The following SCN7A variants were observed in gnomAD, a reference collection of about 807,000 sequenced individuals.
SCN7A encodes the protein sodium voltage-gated channel alpha subunit 7.
SCN7A carries 138 observed loss-of-function variants against 155.2 expected under a neutral mutation model. The ratio of observed to expected loss-of-function variants is 0.89; its 90% confidence interval spans 0.77 to 1.02. SCN7A has a LOEUF of 1.02. SCN7A is among the 50% of genes least tolerant of loss of function. SCN7A has a pLI of 0.00. For missense variants in SCN7A, 2,058 were observed against 1,986.6 expected (o/e 1.04, Z -0.68); for synonymous variants, 693 against 649.0 (o/e 1.07, Z -1.03).
chr2:166,446,872 G>A (rs561365141), intron 12 of SCN7A, among the ~76,000 whole-genome samples: 3 of 152,208 alleles, frequency 2.0e-5, no homozygotes, highest in East Asian at 1.9e-4. Context: ...GGGACCTGTC[G>A]GTGGGTAGGG....
At position 166,416,804 on chromosome 2, in the gene SCN7A, C is replaced by A. The variant is rs201204940; in HGVS notation, c.3317G>T (p.Arg1106Leu). ...FPSSEVMNKS[R>L]CESLLFNESM... ...TTCGTTAAACAGAAGGCTTTCACAC[C>A]GACTCTTATTCATGACTTCAGATGA... Residue 1106 changes from arginine to leucine, a missense_variant, in exon 21 of 26, where the codon CGG becomes CTG. Physicochemically the swap from Arg to Leu is moderately radical, Grantham distance 102. Transcript: ENST00000643258. 1.1e-5 allele frequency: 17 copies of A among 1,613,458 alleles called. No homozygotes were observed. Among genetic ancestry groups the A allele is most frequent in the Non-Finnish European group, 1.4e-5 (17 of 1,179,712 alleles).
At chr2:166,475,794 C>G (rs768575275) in intron 3 of SCN7A, among the ~76,000 whole-genome samples, 1 of 151,844 alleles carries the variant, frequency 6.6e-6, no homozygotes, top group Non-Finnish European at 1.5e-5. Flanking sequence ...ACAGAATAAA[C>G]CAAATACAAG....
At chr2:166,455,322 T>C (rs1393884707) in intron 11 of SCN7A, among the ~76,000 whole-genome samples, 1 of 151,354 alleles carries the variant, frequency 6.6e-6, no homozygotes, top group Non-Finnish European at 1.5e-5. Context: ...TCCAAGACCT[T>C]AAAAAGACAC....
chr2:166,457,054 ACC>A lies in SCN7A; in HGVS notation c.1104_1105del (p.Lys368AsnfsTer30). 1 of 1,608,750 alleles carries A rather than the reference ACC, an allele frequency of 6.2e-7. No individual in the cohort carries two copies. The highest frequency in any genetic ancestry group is 8.5e-7 in the Non-Finnish European group (1 of 1,177,918). ...TACCACCACAAAAAATATCATGTAG[ACC>A]TTCCCAGAAGCATAAAGTATCTAAG... On this transcript the variant is annotated frameshift_variant, in exon 11 of 26. Transcript: ENST00000643258. LOFTEE classifies it high-confidence loss of function.
rs1010321371 is a variant in SCN7A at position 166,444,847 on chromosome 2, C to T, written c.1541G>A (p.Cys514Tyr). The part of the protein sequence containing the change: ...APFTDLFLII[C>Y]IILNVCFLTL... ...CAGAAAACATACGTTTAAAATTATG[C>T]ATATGATAAGGAAAAGATCAGTAAA... Residue 514 changes from cysteine to tyrosine, a missense_variant, in exon 13 of 26, where the codon TGC (cysteine) becomes TAC (tyrosine). Coordinates refer to ENST00000643258, the MANE Select transcript of SCN7A (RefSeq NM_002976.4). 3.7e-6 allele frequency: 6 copies of T among 1,611,642 alleles called. No individual in the cohort carries two copies. The highest frequency in any genetic ancestry group is 3.3e-5 in the Admixed American group (2 of 59,762).
At chr2:166,442,078 A>G (rs1171906665) in intron 14 of SCN7A, among the ~76,000 whole-genome samples, 2 of 152,144 alleles carry the variant, frequency 1.3e-5, no homozygotes, top group Non-Finnish European at 2.9e-5. Context: ...TTCAAAATAT[A>G]TTGAATATTT....
chr2:166,463,043 T>C (rs1177150405), intron 9 of SCN7A, among the ~76,000 whole-genome samples: 3 of 152,182 alleles, frequency 2.0e-5, no homozygotes, highest in Non-Finnish European at 4.4e-5. Context: ...AGAGTGAAGG[T>C]ATAACTGATG....
At chr2:166,417,198 G>C (rs1026190801) in intron 20 of SCN7A, among the ~76,000 whole-genome samples, 5 of 152,122 alleles carry the variant, frequency 3.3e-5, no homozygotes, top group Non-Finnish European at 7.4e-5. Context: ...ATCAGGCTGG[G>C]CGTGGTGGCT....
chr2:166,480,519 A>G (rs1294182051), intron 2 of SCN7A, among the ~76,000 whole-genome samples: 1 of 151,822 alleles, frequency 6.6e-6, no homozygotes, highest in Non-Finnish European at 1.5e-5. Flanking sequence ...ATATTTTTAC[A>G]CAGAGATCCT....
At chr2:166,431,736 C>CA (rs1701736077) in intron 16 of SCN7A, among the ~76,000 whole-genome samples, 1 of 151,946 alleles carries the variant, frequency 6.6e-6, no homozygotes, top group Non-Finnish European at 1.5e-5. Flanking sequence ...ACCAACTGTT[C>CA]AAAATTCAAA....
At chr2:166,448,348 T>C (rs1035739141) in intron 11 of SCN7A, among the ~76,000 whole-genome samples, 1 of 152,224 alleles carries the variant, frequency 6.6e-6, no homozygotes, top group Admixed American at 6.5e-5. Context: ...TATTTATTCA[T>C]GTGTCCATTG....
chr2:166,482,657 A>G (rs1412368951), intron 2 of SCN7A, among the ~76,000 whole-genome samples: 1 of 151,938 alleles, frequency 6.6e-6, no homozygotes, highest in African/African-American at 2.4e-5. Flanking sequence ...CTTATCCCAG[A>G]AGATTATTTT....
intron 3 of SCN7A, among the ~76,000 whole-genome samples, chr2:166,475,752 A>G (rs950045276): frequency 6.6e-6 from 1 of 152,004 alleles, no homozygotes; most frequent in African/African-American, 2.4e-5. Flanking sequence ...TGTTTTGTTA[A>G]TTATAAAAGT....
intron 10 of SCN7A, among the ~76,000 whole-genome samples, chr2:166,460,401 C>T (rs921511626): frequency 2.0e-5 from 3 of 151,390 alleles, no homozygotes; most frequent in Non-Finnish European, 1.5e-5. Flanking sequence ...GCTGAGAAAT[C>T]AAAAAAATTA....
intron 11 of SCN7A, among the ~76,000 whole-genome samples, chr2:166,455,853 T>C (rs920650367): frequency 2.0e-5 from 3 of 152,142 alleles, no homozygotes; most frequent in African/African-American, 7.2e-5. Flanking sequence ...ACATTTATTG[T>C]TTTACTTATT....
At position 166,432,704 on chromosome 2, in the gene SCN7A, C is replaced by G. The variant is rs1034155740; in HGVS notation, c.2206G>C (p.Asp736His). Residue 736 changes from aspartate (D) to histidine (H), a missense_variant, in exon 16 of 26, where the codon GAT becomes CAT. By Grantham distance (81) the Asp-to-His change is moderately conservative. Coordinates refer to ENST00000643258, the MANE Select transcript of SCN7A (RefSeq NM_002976.4). Reference sequence around the variant, plus strand: ...TCATTATTCTCTTCAGCTGTTACATCCTTGCATGAACTAAATGAGCTCACC... The same window carrying G: ...TCATTATTCTCTTCAGCTGTTACATGCTTGCATGAACTAAATGAGCTCACC... ...ALVSSFSSCK[D>H]VTAEENNEAK... 1.2e-5 allele frequency: 19 copies of G among 1,585,216 alleles called. No homozygotes were observed. The highest frequency in any genetic ancestry group is 1.6e-5 in the Non-Finnish European group (19 of 1,169,620).
At chr2:166,413,978 T>TGTGTATATATA (rs1701258617) in intron 21 of SCN7A, among the ~76,000 whole-genome samples, 1 of 76,196 alleles carries the variant, frequency 1.3e-5, no homozygotes, top group African/African-American at 7.1e-5. Context: ...TATATGTGTA[T>TGTGTATATATA]GTGTATATAT....
intron 2 of SCN7A, among the ~76,000 whole-genome samples, chr2:166,483,838 A>G (rs928808737): frequency 7.9e-5 from 12 of 151,924 alleles, no homozygotes; most frequent in African/African-American, 2.7e-4. Context: ...TCTTGGGTAC[A>G]AATGTCAAAC....
intron 12 of SCN7A, among the ~76,000 whole-genome samples, chr2:166,446,315 A>G (rs1243486844): frequency 1.3e-5 from 2 of 152,214 alleles, no homozygotes; most frequent in African/African-American, 4.8e-5. Context: ...CAAAACCACA[A>G]TGAGACACCA....
Sources: gnomAD v4.1 joint callset for allele counts (sites outside exome capture counted in the v4.1 genomes callset) on GRCh38, gnomAD v4.1.1 for gene constraint, MANE v1.5 for transcripts, NCBI Gene and HGNC (gene_info 2026-07-23, HGNC 2026-07-21) for gene names.